The following GLIS3 variants were observed in gnomAD, a reference collection of about 807,000 sequenced individuals.
GLIS3 encodes GLIS family zinc finger 3.
A neutral mutation model predicts 78.6 loss-of-function variants in GLIS3; 53 were observed. The ratio of observed to expected loss-of-function variants is 0.67; its 90% CI spans 0.54 to 0.85. The LOEUF (loss-of-function observed/expected upper bound fraction) is 0.85. GLIS3 is among the 40% of genes least tolerant of loss of function. The pLI is 0.00. For missense variants in GLIS3, 1,703 were observed against 1,231.1 expected (o/e 1.38, Z -5.74); for synonymous variants, 684 against 509.9 (o/e 1.34, Z -4.60).
chr9:3,964,186 T>C (rs142821174), intron 4 of GLIS3, among the ~76,000 whole-genome samples: 178 of 152,254 alleles, frequency 1.2e-3, no homozygotes, highest in African/African-American at 4.0e-3. Context: ...ATTTACAGAA[T>C]CATCATAAAT....
chr9:4,181,741 G>C (rs1013498431), intron 2 of GLIS3, among the ~76,000 whole-genome samples: 58 of 152,312 alleles, frequency 3.8e-4, no homozygotes, highest in African/African-American at 1.2e-3. Flanking sequence ...AAAAACGCTT[G>C]AGCATTGGAG....
chr9:4,441,156 C>T, the GLIS3 span, among the ~76,000 whole-genome samples: 1 of 152,078 alleles, frequency 6.6e-6, no homozygotes, highest in Non-Finnish European at 1.5e-5. Context: ...TTCTATCTTG[C>T]CTAGCTACTC....
the GLIS3 span, among the ~76,000 whole-genome samples, chr9:4,362,089 G>T: frequency 6.6e-6 from 1 of 152,210 alleles, no homozygotes. Context: ...ACTAAAGGGT[G>T]CTCACCAGCT....
chr9:4,050,270 G>C (rs560819277), intron 4 of GLIS3, among the ~76,000 whole-genome samples: 1 of 152,212 alleles, frequency 6.6e-6, no homozygotes, highest in African/African-American at 2.4e-5. Context: ...TGCAGCCACA[G>C]AAAAGGGTGA....
Position 4,248,137 on chromosome 9 carries a change from G to A in GLIS3, c.388+37901C>T, listed in dbSNP as rs570574589. Among the ~76,000 whole-genome samples the A allele has an allele frequency of 9.9e-5, 15 of 152,134 alleles. No homozygotes were observed. The South Asian group carries it at 3.1e-3, about 32-fold the overall frequency. On this transcript the variant is annotated intron_variant, in intron 2 of 10. Transcript: ENST00000381971. ...AAGTTCTGGGATGCATGTGCAGAAC[G>A]TCCAGGCTTGTTACATAGGTATGCA... is the stretch of plus-strand genomic sequence containing the variant.
intron 2 of GLIS3, among the ~76,000 whole-genome samples, chr9:4,180,491 G>T (rs761471677): frequency 6.6e-6 from 1 of 152,134 alleles, no homozygotes; most frequent in African/African-American, 2.4e-5. Context: ...GGGATTAAAT[G>T]AAACACCCTT....
chr9:4,175,696 T>C (rs762240136), intron 2 of GLIS3, among the ~76,000 whole-genome samples: 9 of 152,304 alleles, frequency 5.9e-5, no homozygotes, highest in Non-Finnish European at 1.2e-4. Context: ...GTCCAAGTAC[T>C]TTCCCCCATA....
chr9:4,469,638 T>A, the GLIS3 span, among the ~76,000 whole-genome samples: 7 of 152,140 alleles, frequency 4.6e-5, no homozygotes, highest in Non-Finnish European at 1.0e-4. Flanking sequence ...TTTAAAGCAG[T>A]GTTAGAGGGA....
chr9:4,311,117 T>C (rs899798426), intron 2 of GLIS3, among the ~76,000 whole-genome samples: 15 of 152,194 alleles, frequency 9.9e-5, no homozygotes, highest in Admixed American at 7.9e-4. Flanking sequence ...GATAGAAGTG[T>C]ATACCTTTTG....
intron 2 of GLIS3, among the ~76,000 whole-genome samples, chr9:4,136,643 G>T (rs1281252870): frequency 6.6e-6 from 1 of 152,100 alleles, no homozygotes; most frequent in Non-Finnish European, 1.5e-5. Flanking sequence ...AAACATGAAG[G>T]AAGAATGAGC....
At chr9:4,276,580 G>A (rs1013801851) in intron 2 of GLIS3, among the ~76,000 whole-genome samples, 8 of 147,622 alleles carry the variant, frequency 5.4e-5, no homozygotes, top group Admixed American at 1.4e-4. Context: ...AGAGAAGAAA[G>A]AAAATGCTAT....
At chr9:4,323,824 G>A (rs1222907425) in intron 2 of GLIS3, among the ~76,000 whole-genome samples, 1 of 152,220 alleles carries the variant, frequency 6.6e-6, no homozygotes, top group African/African-American at 2.4e-5. Flanking sequence ...GGGCGCAGCA[G>A]AAGTTGCTGT....
At chr9:4,109,075 A>G (rs1485917497) in intron 4 of GLIS3, among the ~76,000 whole-genome samples, 1 of 152,270 alleles carries the variant, frequency 6.6e-6, no homozygotes, top group East Asian at 1.9e-4. Context: ...GAATTGATTT[A>G]ATTTGTTCTC....
intron 4 of GLIS3, among the ~76,000 whole-genome samples, chr9:4,056,680 C>G (rs1288472004): frequency 6.6e-6 from 1 of 152,108 alleles, no homozygotes; most frequent in Non-Finnish European, 1.5e-5. Context: ...TTCAGACACA[C>G]ATGCACGTGT....
chr9:3,930,678 G>T (rs753605399), intron 6 of GLIS3, among the ~76,000 whole-genome samples: 18 of 152,226 alleles, frequency 1.2e-4, no homozygotes, highest in Non-Finnish European at 2.1e-4. Flanking sequence ...ATAGGGGACC[G>T]ATACTCTTTC....
intron 2 of GLIS3, among the ~76,000 whole-genome samples, chr9:4,193,123 C>G (rs1053728494): frequency 1.3e-5 from 2 of 152,238 alleles, no homozygotes; most frequent in Non-Finnish European, 2.9e-5. Flanking sequence ...TTATATTTTA[C>G]TTAGCTAATT....
At chr9:4,267,617 C>G (rs1162571417) in intron 2 of GLIS3, among the ~76,000 whole-genome samples, 2 of 152,204 alleles carry the variant, frequency 1.3e-5, no homozygotes, top group Admixed American at 6.5e-5. Context: ...TCTTAGGAAA[C>G]TTTGCTAACT....
chr9:4,391,498 C>G, the GLIS3 span, among the ~76,000 whole-genome samples: 2 of 151,886 alleles, frequency 1.3e-5, no homozygotes, highest in African/African-American at 4.8e-5. Flanking sequence ...TCACCTGGCA[C>G]CAGGTTCAAG....
rs1220792465 is a variant in GLIS3, at chr9:3,893,204, A to G, written c.2128+5487T>C. ...CCTCGCTACTTGCCTCTCCTCCTCA[A>G]TGAGGTACGGAATTGTTTTTGCTCA... On this transcript the variant is annotated intron_variant, in intron 7 of 10. Transcript: ENST00000381971. Among the ~76,000 whole-genome samples the G allele has an allele frequency of 4.6e-5, 7 of 152,294 alleles. No individual in the cohort carries two copies. The South Asian group carries it at 6.2e-4, about 14-fold the overall frequency.
Sources: allele counts gnomAD v4.1 joint callset (sites outside exome capture counted in the v4.1 genomes callset), GRCh38; gene constraint gnomAD v4.1.1; transcripts MANE v1.5; gene names NCBI Gene and HGNC (gene_info 2026-07-23, HGNC 2026-07-21).